FDXR: variants seen among roughly 807,000 people sequenced by gnomAD.
FDXR encodes the protein NADPH:adrenodoxin oxidoreductase, mitochondrial.
FDXR carries 38 observed loss-of-function variants against 58.3 expected under a neutral mutation model. That is an observed-to-expected ratio of 0.65 (90% CI 0.50 to 0.85). FDXR has a LOEUF of 0.85. Ranked by LOEUF, FDXR falls within the 40% of genes least tolerant of loss-of-function variation. The probability of loss-of-function intolerance (pLI) is 0.00; values close to 1 mark genes in which losing one functional copy is unlikely to be tolerated. For synonymous variants in FDXR, 275 were observed against 273.8 expected, an observed-to-expected ratio of 1.00 and a Z score of -0.04; for missense variants, 624 against 671.0, an observed-to-expected ratio of 0.93 and a Z score of 0.77.
chr17:74,866,708 A>G, intron 3 of FDXR, 76 bp downstream of exon 3: 1 of 1,584,598 alleles, frequency 6.3e-7, no homozygotes, highest in South Asian at 1.1e-5. Flanking sequence ...CCTGTCATCC[A>G]GCCAGGGAGC....
intron 5 of FDXR, 114 bp from the exon 6 acceptor site, chr17:74,865,934 GA>G: frequency 1.1e-6 from 1 of 944,018 alleles, no homozygotes; most frequent in Non-Finnish European, 1.6e-6. Flanking sequence ...CCCACACCGG[GA>G]AAGTCCACAA....
At chr17:74,868,623 C>T (rs757872648) in intron 2 of FDXR, 675 of 1,535,692 alleles carry the variant, frequency 4.4e-4, no homozygotes, top group Admixed American at 7.3e-4. Context: ...GGGCCACCTC[C>T]GGAACGCTAA....
At chr17:74,863,708 A>G (rs2144645333) in intron 10 of FDXR, among the ~76,000 whole-genome samples, 188 bp downstream of exon 10, 2 of 152,336 alleles carry the variant, frequency 1.3e-5, no homozygotes, top group Middle Eastern at 6.8e-3. Flanking sequence ...CGTATGTCAC[A>G]TATGTCCTAG....
intron 6 of FDXR, 77 bp from the exon 7 acceptor site, chr17:74,865,008 C>T: frequency 1.2e-6 from 2 of 1,601,458 alleles, no homozygotes; most frequent in African/African-American, 1.3e-5. Context: ...CATGTCCCCA[C>T]CGTGGGCCTG....
At chr17:74,871,878 G>A (rs1391374290) in intron 2 of FDXR, among the ~76,000 whole-genome samples, 158 bp downstream of exon 2, 1 of 152,194 alleles carries the variant, frequency 6.6e-6, no homozygotes, top group Non-Finnish European at 1.5e-5. Context: ...GGAGCCTCAG[G>A]TGTAGGTGAG....
At chr17:74,863,294 A>T in intron 10 of FDXR, 48 bp from the exon 11 acceptor site, 1 of 1,498,434 alleles carries the variant, frequency 6.7e-7, no homozygotes, top group Non-Finnish European at 9.0e-7. Flanking sequence ...GCTGGATACC[A>T]CCCTGGCCAT....
Position 74,872,926 on chromosome 17 carries a change from G to C in FDXR, c.19C>G (p.Arg7Gly). 1 of 1,556,070 alleles carries C rather than the reference G, an allele frequency of 6.4e-7. No individual in the cohort carries two copies. Among genetic ancestry groups the C allele is most frequent in the Non-Finnish European group, 8.7e-7 (1 of 1,150,394 alleles). The change falls in exon 1 of 12, where the codon CGC becomes GGC. Residue 7 changes from arginine to glycine, a missense_variant. Transcript: ENST00000293195. Reference sequence around the variant, plus strand: ...GGCCACGCCGACCAGCCCCACCAGCGCCAGCAGCGCGAAGCCATGGCTGGG... The same window carrying C: ...GGCCACGCCGACCAGCCCCACCAGCCCCAGCAGCGCGAAGCCATGGCTGGG... MASRCW[R>G]WWGWSAWPRT...
rs201356542 is a variant in FDXR at position 74,864,999 on chromosome 17, A to C, written c.610-68T>G. On this transcript the variant is annotated intron_variant, in intron 6 of 11. Coordinates refer to ENST00000293195, the MANE Select transcript of FDXR (RefSeq NM_024417.5). The stretch of plus-strand genomic sequence containing the variant: ...AGGAAAGGGGACTCTCCATTTGGTC[A>C]TGTCCCCACCGTGGGCCTGGAGAAG... 5 of 1,606,432 alleles carry C rather than the reference A, an allele frequency of 3.1e-6. No homozygotes were observed. In the South Asian group the frequency reaches 3.3e-5, roughly 11 times the overall value.
chr17:74,864,422 T>C (rs1416322937), intron 8 of FDXR, 58 bp downstream of exon 8: 6 of 1,608,488 alleles, frequency 3.7e-6, no homozygotes, highest in South Asian at 3.3e-5. Flanking sequence ...CCCCAATCCC[T>C]CTCTGACCTA....
chr17:74,864,763 C>A, intron 7 of FDXR, 61 bp downstream of exon 7: 1 of 1,607,516 alleles, frequency 6.2e-7, no homozygotes, highest in East Asian at 2.2e-5. Flanking sequence ...CCCACCCCAA[C>A]CCCTTAAGGA....
chr17:74,865,050 G>GCTCC (rs763373202), intron 6 of FDXR, 119 bp from the exon 7 acceptor site: 2 of 1,424,606 alleles, frequency 1.4e-6, no homozygotes, highest in Non-Finnish European at 1.9e-6. Flanking sequence ...TTGCGCCACT[G>GCTCC]CTCCCCCCTG....
At chr17:74,866,301 C>A in intron 4 of FDXR, 57 bp from the exon 5 acceptor site, 5 of 1,575,776 alleles carry the variant, frequency 3.2e-6, no homozygotes, top group Non-Finnish European at 3.5e-6. Flanking sequence ...ACTGATAGGC[C>A]GGGCAGCCCC....
chr17:74,866,367 C>T, intron 4 of FDXR, 79 bp downstream of exon 4: 1 of 1,585,726 alleles, frequency 6.3e-7, no homozygotes, highest in Non-Finnish European at 8.6e-7. Context: ...CTGGCCTCAC[C>T]CCTGCTGCCT....
rs181887636 is a variant in FDXR at position 74,863,329 on chromosome 17, G to A, written c.1175-83C>T. ...TCCTGTGCCCACAATCTACACCCACGTGCACGCACACAGACACCCCACGCC... is the reference window on the plus strand; with the variant it reads ...TCCTGTGCCCACAATCTACACCCACATGCACGCACACAGACACCCCACGCC... On this transcript the variant is annotated intron_variant, in intron 10 of 11. Transcript: ENST00000293195. 1.4e-4 allele frequency: 190 copies of A among 1,351,750 alleles called. 1 individual carries two copies. The East Asian group carries it at 2.7e-3, about 19-fold the overall frequency. The allele number at this position is 1,351,750 out of a possible 1,614,324, so 83.7% of individuals were successfully genotyped here. A position where few individuals can be genotyped will look rare whatever the true frequency, so the allele number is the denominator to read the frequency against.
intron 4 of FDXR, 69 bp from the exon 5 acceptor site, chr17:74,866,313 C>T: frequency 1.3e-6 from 2 of 1,568,140 alleles, no homozygotes; most frequent in Admixed American, 3.4e-5. Context: ...GGCAGCCCCC[C>T]AGGCTCCCAG....
rs908191097 is a variant in FDXR, at chr17:74,864,145, C to T, written c.1002+3G>A. 6.2e-7 allele frequency: 1 copy of T among 1,612,892 alleles called. No homozygotes were observed. Among genetic ancestry groups the T allele is most frequent in the Non-Finnish European group, 8.5e-7 (1 of 1,179,986 alleles). Reference sequence around the variant, plus strand: ...GGGTGTCTTTGGGAAACATGAGACTCACCTCCAGTCTAGTGACTGCTAGGC... The same window carrying T: ...GGGTGTCTTTGGGAAACATGAGACTTACCTCCAGTCTAGTGACTGCTAGGC... On this transcript the variant is annotated splice_donor_region_variant and intron_variant, in intron 9 of 11. Transcript: ENST00000293195.
At chr17:74,865,959 TCC>T in intron 5 of FDXR, 139 bp from the exon 6 acceptor site, 1 of 859,432 alleles carries the variant, frequency 1.2e-6, no homozygotes, top group Non-Finnish European at 1.8e-6. Flanking sequence ...TGGTCCCTCC[TCC>T]CCCACCTGGA....
intron 2 of FDXR, among the ~76,000 whole-genome samples, chr17:74,871,134 T>C (rs549106439): frequency 2.6e-5 from 4 of 152,294 alleles, no homozygotes; most frequent in Admixed American, 2.6e-4. Context: ...TGACCCCACC[T>C]GCCTCGGCTC....
chr17:74,869,900 T>G (rs1032822017), intron 2 of FDXR: 2 of 440,646 alleles, frequency 4.5e-6, no homozygotes, highest in Admixed American at 4.7e-5. Flanking sequence ...GTGCCATCCC[T>G]GCTCCACGGT....
Sources: allele counts gnomAD v4.1 joint callset (sites outside exome capture counted in the v4.1 genomes callset), GRCh38; gene constraint gnomAD v4.1.1; transcripts MANE v1.5; gene names NCBI Gene and HGNC (gene_info 2026-07-23, HGNC 2026-07-21).